Variants in SCLT1 observed in about 807,000 individuals in gnomAD.
SCLT1 encodes sodium channel and clathrin linker 1, also known as sodium channel-associated protein 1.
A neutral mutation model predicts 112.8 loss-of-function variants in SCLT1; 78 were observed. That is an observed-to-expected ratio of 0.69 (90% confidence interval 0.58 to 0.83). The LOEUF (loss-of-function observed/expected upper bound fraction) is 0.83, where lower values mean the gene tolerates loss of function less well. Ranked by LOEUF, SCLT1 falls within the 40% of genes least tolerant of loss-of-function variation. The probability of loss-of-function intolerance (pLI) is 0.00; values close to 1 mark genes in which losing one functional copy is unlikely to be tolerated. For missense variants in SCLT1, 747 were observed against 770.4 expected, an observed-to-expected ratio of 0.97 and a Z score of 0.36; for synonymous variants, 257 against 254.7, an observed-to-expected ratio of 1.01 and a Z score of -0.09.
At chr4:128,883,154 C>CAAAAAAAAAAA (rs1412985271), downstream of SCLT1, among the ~76,000 whole-genome samples, 1 of 37,478 alleles carries the variant, frequency 2.7e-5, no homozygotes, top group African/African-American at 7.8e-5. Context: ...ACAACAACAA[C>CAAAAAAAAAAA]AACAAAAAAA....
intron 2 of SCLT1, among the ~76,000 whole-genome samples, chr4:129,046,873 T>C (rs1221793571): frequency 2.0e-5 from 3 of 152,110 alleles, no homozygotes; most frequent in East Asian, 1.9e-4. Context: ...TAGTATTTCA[T>C]TGTGGTTTGA....
chr4:129,007,708 T>C (rs894638716), intron 5 of SCLT1, among the ~76,000 whole-genome samples: 2 of 152,194 alleles, frequency 1.3e-5, no homozygotes, highest in Non-Finnish European at 2.9e-5. Context: ...TTATAGCATG[T>C]AGTACAGCAA....
intron 4 of SCLT1, 64 bp from the exon 5 acceptor site, chr4:129,039,160 C>T (rs1747451252): frequency 1.0e-6 from 1 of 980,440 alleles, no homozygotes; most frequent in Non-Finnish European, 1.6e-6. Context: ...ATTAAGTAGA[C>T]CACTCACGTA....
At chr4:128,958,990 A>T (rs1739449321) in intron 12 of SCLT1, among the ~76,000 whole-genome samples, 1 of 152,192 alleles carries the variant, frequency 6.6e-6, no homozygotes, top group African/African-American at 2.4e-5. Flanking sequence ...TAAATTAATG[A>T]TTTAATGAAC....
intron 16 of SCLT1, among the ~76,000 whole-genome samples, chr4:128,944,093 G>A (rs1298919848): frequency 6.6e-6 from 1 of 152,080 alleles, no homozygotes; most frequent in Admixed American, 6.6e-5. Flanking sequence ...AACACAGTTA[G>A]TGACTGATTT....
intron 18 of SCLT1, among the ~76,000 whole-genome samples, chr4:128,906,928 GA>G (rs983523004): frequency 7.9e-5 from 12 of 152,286 alleles, no homozygotes; most frequent in African/African-American, 2.6e-4. Flanking sequence ...ACATATGGAA[GA>G]ATCGGGGGTT....
At chr4:128,905,509 C>G (rs1734624362) in intron 18 of SCLT1, among the ~76,000 whole-genome samples, 2 of 118,674 alleles carry the variant, frequency 1.7e-5, no homozygotes, top group African/African-American at 6.4e-5. Context: ...TGATTTCCCA[C>G]TGCTGCACTT....
chr4:128,889,433 T>C (rs1733141212), intron 19 of SCLT1, among the ~76,000 whole-genome samples: 1 of 152,182 alleles, frequency 6.6e-6, no homozygotes, highest in Non-Finnish European at 1.5e-5. Flanking sequence ...CCAAAGAATG[T>C]CTGAGGCTAC....
chr4:129,073,546 T>C (rs1439675436), intron 2 of SCLT1, among the ~76,000 whole-genome samples: 2 of 152,208 alleles, frequency 1.3e-5, no homozygotes, highest in Admixed American at 1.3e-4. Flanking sequence ...GGTTTCCTGA[T>C]TGTTACTCCT....
Position 128,946,044 on chromosome 4 carries a change from T to C in SCLT1, c.1402A>G (p.Thr468Ala). 6.2e-7 allele frequency: 1 copy of C among 1,611,670 alleles called. No individual in the cohort carries two copies. The highest frequency in any genetic ancestry group is 8.5e-7 in the Non-Finnish European group (1 of 1,178,206). ...RSKDDLQLRL[T>A]RAENRIKQLE... ...TGTTTTATTCTATTTTCTGCTCTCG[T>C]AAGTCTTAGCTGAAGATCATCTTTT... The change falls in exon 16 of 21, where the codon ACG becomes GCG. Residue 468 changes from threonine (T) to alanine (A), a missense_variant. Physicochemically the swap from Thr to Ala is moderately conservative, Grantham distance 58. Around this residue, in one of 2 missense-constraint regions of SCLT1, gnomAD observed 723 missense variants for 721.3 expected, o/e 1.00. Coordinates refer to ENST00000281142, the MANE Select transcript of SCLT1 (RefSeq NM_144643.4).
chr4:129,047,132 C>A (rs899107571), intron 2 of SCLT1, among the ~76,000 whole-genome samples: 2 of 151,902 alleles, frequency 1.3e-5, no homozygotes, highest in Non-Finnish European at 2.9e-5. Flanking sequence ...TGAAGTAGCC[C>A]AGTTTATCAG....
chr4:128,992,251 A>G lies in SCLT1; in HGVS notation c.616-14T>C. The G allele has an allele frequency of 6.5e-7, 1 of 1,544,156 alleles. No individual in the cohort carries two copies. ...CTGTTGGTTAGTCTGCCACAAGAAA[A>G]AAAAAGAATCAGTATTAGAATATTT... is the stretch of plus-strand genomic sequence containing the variant. On this transcript the variant is annotated splice_polypyrimidine_tract_variant and intron_variant, in intron 8 of 20. Transcript: ENST00000281142.
intron 2 of SCLT1, among the ~76,000 whole-genome samples, chr4:129,061,967 G>C (rs1291461887): frequency 6.6e-6 from 1 of 152,148 alleles, no homozygotes; most frequent in African/African-American, 2.4e-5. Context: ...TAGTGACTTT[G>C]AGGATTGCAG....
At chr4:128,922,956 A>G (rs1055599300) in intron 18 of SCLT1, among the ~76,000 whole-genome samples, 3 of 152,234 alleles carry the variant, frequency 2.0e-5, no homozygotes, top group African/African-American at 4.8e-5. Context: ...TAAATGCAAT[A>G]TAACAGTTTA....
chr4:128,940,099 C>T (rs1047526818), intron 17 of SCLT1, among the ~76,000 whole-genome samples: 1 of 151,648 alleles, frequency 6.6e-6, no homozygotes, highest in African/African-American at 2.4e-5. Flanking sequence ...AGTTACTATC[C>T]TGAAATGTTA....
chr4:129,014,365 T>A (rs964230001), intron 5 of SCLT1, among the ~76,000 whole-genome samples: 11 of 152,150 alleles, frequency 7.2e-5, no homozygotes, highest in African/African-American at 2.4e-4. Flanking sequence ...ATGGGGTAGA[T>A]TAGAGGAAAA....
chr4:129,043,243 T>C, intron 4 of SCLT1, 152 bp downstream of exon 4: 1 of 606,238 alleles, frequency 1.6e-6, no homozygotes, highest in African/African-American at 1.9e-5. Context: ...TGCACATATA[T>C]ACATTCACAC....
chr4:128,990,760 C>A (rs187571257), intron 9 of SCLT1, among the ~76,000 whole-genome samples: 1 of 149,310 alleles, frequency 6.7e-6, no homozygotes, highest in Non-Finnish European at 1.5e-5. Context: ...GATCAACGAA[C>A]AAAAATCAGT....
intron 2 of SCLT1, among the ~76,000 whole-genome samples, chr4:129,052,738 CTCTGA>C (rs1280967321): frequency 6.6e-6 from 1 of 152,092 alleles, no homozygotes; most frequent in Non-Finnish European, 1.5e-5. Flanking sequence ...TTCAGCTCTG[CTCTGA>C]TCTTAGTTAT....
Sources: gnomAD v4.1 joint callset for allele counts (sites outside exome capture counted in the v4.1 genomes callset) on GRCh38, gnomAD v4.1.1 for gene constraint, gnomAD v4.1.1 regional missense constraint, MANE v1.5 for transcripts, NCBI Gene and HGNC (gene_info 2026-07-23, HGNC 2026-07-21) for gene names.